IMMP1L: variants seen among roughly 807,000 people sequenced by gnomAD.
The protein encoded by IMMP1L is mitochondrial inner membrane protease subunit 1.
In IMMP1L, 24 loss-of-function variants were observed where a neutral mutation model predicts 21.8. That is an observed-to-expected ratio of 1.10 (90% confidence interval 0.80 to 1.55). IMMP1L has a LOEUF of 1.55. Ranked by LOEUF, IMMP1L falls within the 40% of genes most tolerant of loss-of-function variation. The pLI, the probability that IMMP1L is intolerant of heterozygous loss-of-function variation, is 0.00. For missense variants in IMMP1L, 195 were observed against 200.7 expected (o/e 0.97, Z 0.17); for synonymous variants, 46 against 62.8 (o/e 0.73, Z 1.26).
chr11:31,448,852 G>C, intron 4 of IMMP1L: 1 of 666,850 alleles, frequency 1.5e-6, no homozygotes, highest in Non-Finnish European at 1.9e-6. Flanking sequence ...CTTTAGTGTT[G>C]ACATCTGAAC....
Position 31,446,107 on chromosome 11 carries a change from CCCCCAACAACCCTATTTTATTGTA to C in IMMP1L, c.321+10129_321+10152del, listed in dbSNP as rs560732616. ...CTTTCCATTTCCCAAATTAACATCT[CCCCCAACAACCCTATTTTATTGTA>C]CCACTCACCCTGTGGCAAGAACTAA... On this transcript the variant is annotated intron_variant, in intron 4 of 5. Transcript: ENST00000532287. Among the ~76,000 whole-genome samples, 5 of 152,258 alleles carry C rather than the reference CCCCCAACAACCCTATTTTATTGTA, an allele frequency of 3.3e-5. No homozygotes were observed. In the South Asian group the frequency reaches 1.0e-3, roughly 32 times the overall value.
At chr11:31,476,260 A>G (rs1954725163) in intron 1 of IMMP1L, among the ~76,000 whole-genome samples, 1 of 152,122 alleles carries the variant, frequency 6.6e-6, no homozygotes, top group Non-Finnish European at 1.5e-5. Context: ...TATAAAAGTA[A>G]CACAATGCAG....
intron 4 of IMMP1L, among the ~76,000 whole-genome samples, chr11:31,455,649 G>C (rs1397233241): frequency 6.6e-6 from 1 of 152,130 alleles, no homozygotes; most frequent in Non-Finnish European, 1.5e-5. Flanking sequence ...TAGTTATCAT[G>C]TCTCCTTTGT....
intron 1 of IMMP1L, among the ~76,000 whole-genome samples, chr11:31,484,825 G>A (rs966371747): frequency 6.6e-6 from 1 of 151,820 alleles, no homozygotes; most frequent in Non-Finnish European, 1.5e-5. Context: ...TGTGCTCACT[G>A]CAATAAACTA....
chr11:31,486,897 T>C (rs893627555), intron 1 of IMMP1L, among the ~76,000 whole-genome samples: 1 of 151,950 alleles, frequency 6.6e-6, no homozygotes, highest in Non-Finnish European at 1.5e-5. Context: ...GACAAAGTTA[T>C]ATTAAAAATT....
At chr11:31,436,196 T>C (rs554407128) in intron 4 of IMMP1L, among the ~76,000 whole-genome samples, 1 of 152,322 alleles carries the variant, frequency 6.6e-6, no homozygotes, top group South Asian at 2.1e-4. Context: ...TTTTATATTA[T>C]GTTCCACAAA....
chr11:31,463,660 G>A (rs532764727), intron 1 of IMMP1L, among the ~76,000 whole-genome samples: 1 of 152,208 alleles, frequency 6.6e-6, no homozygotes, highest in South Asian at 2.1e-4. Flanking sequence ...AAAGTTCCTT[G>A]CTATATATTA....
At chr11:31,451,073 A>C (rs1213345028) in intron 4 of IMMP1L, among the ~76,000 whole-genome samples, 1 of 152,212 alleles carries the variant, frequency 6.6e-6, no homozygotes, top group Non-Finnish European at 1.5e-5. Context: ...AAGCAAACAC[A>C]GACAACAGAT....
chr11:31,433,387 T>C, intron 5 of IMMP1L, 73 bp downstream of exon 5: 1 of 864,878 alleles, frequency 1.2e-6, no homozygotes, highest in South Asian at 1.7e-5. Context: ...GCTTGAAGAT[T>C]TCAGAGATCA....
chr11:31,494,603 G>C (rs974289809), intron 1 of IMMP1L, among the ~76,000 whole-genome samples: 1 of 152,048 alleles, frequency 6.6e-6, no homozygotes, highest in Non-Finnish European at 1.5e-5. Context: ...CCAGAAAATG[G>C]GTTTTTCTTT....
At chr11:31,479,859 A>C (rs976776658) in intron 1 of IMMP1L, among the ~76,000 whole-genome samples, 1 of 152,070 alleles carries the variant, frequency 6.6e-6, no homozygotes, top group African/African-American at 2.4e-5. Context: ...ATGGAAGAAC[A>C]AACATTCCAG....
At chr11:31,449,034 T>A (rs1953644427) in intron 4 of IMMP1L, 1 of 985,222 alleles carries the variant, frequency 1.0e-6, no homozygotes. Flanking sequence ...CATGATTGAT[T>A]ATCCTAGGAG....
chr11:31,494,837 G>GGT (rs2133804198), intron 1 of IMMP1L, among the ~76,000 whole-genome samples: 1 of 152,138 alleles, frequency 6.6e-6, no homozygotes, highest in East Asian at 1.9e-4. Context: ...AGTAGAAACA[G>GGT]GTTTCACTGT....
intron 1 of IMMP1L, among the ~76,000 whole-genome samples, chr11:31,470,892 G>A (rs554431516): frequency 3.0e-4 from 46 of 152,306 alleles, no homozygotes; most frequent in Middle Eastern, 6.8e-3. Context: ...CATATCATAT[G>A]TTCTCACTCA....
chr11:31,486,191 G>A (rs989500615), intron 1 of IMMP1L, among the ~76,000 whole-genome samples: 2 of 151,674 alleles, frequency 1.3e-5, no homozygotes, highest in Non-Finnish European at 3.0e-5. Context: ...TTAAATGACT[G>A]GAACACTCAA....
chr11:31,457,750 T>C lies in IMMP1L; in HGVS notation c.195-1364A>G, dbSNP rs149840020. On this transcript the variant is annotated intron_variant, in intron 3 of 5. Transcript: ENST00000532287. ...AAAGAGAAATTCACAAGAAACTTTC[T>C]TATATAAGAGAATAAAAGATACCAT... is the stretch of plus-strand genomic sequence containing the variant. Among the ~76,000 whole-genome samples the C allele has an allele frequency of 6.7e-3, 1,016 of 152,256 alleles. 12 individuals carry two copies. Among genetic ancestry groups the C allele is most frequent in the African/African-American group, 0.023 (966 of 41,562 alleles).
chr11:31,453,106 A>C, intron 4 of IMMP1L: 1 of 1,289,342 alleles, frequency 7.8e-7, no homozygotes, highest in Non-Finnish European at 1.0e-6. Context: ...ACAGTAAAAA[A>C]TAAAGCTGAT....
intron 1 of IMMP1L, among the ~76,000 whole-genome samples, chr11:31,491,893 T>C (rs1413938767): frequency 2.0e-5 from 3 of 152,222 alleles, no homozygotes; most frequent in Non-Finnish European, 4.4e-5. Flanking sequence ...AAATATTCAG[T>C]AAACCATGCT....
intron 1 of IMMP1L, chr11:31,477,534 T>C: frequency 1.0e-6 from 1 of 985,144 alleles, no homozygotes; most frequent in African/African-American, 1.7e-5. Flanking sequence ...ATAAAATTAA[T>C]CACAGTTAGC....
Sources: allele counts gnomAD v4.1 joint callset (sites outside exome capture counted in the v4.1 genomes callset), GRCh38; gene constraint gnomAD v4.1.1; transcripts MANE v1.5; gene names NCBI Gene and HGNC (gene_info 2026-07-23, HGNC 2026-07-21).